Variants in PTPRA observed in about 807,000 individuals in gnomAD.
PTPRA encodes the protein protein tyrosine phosphatase receptor type A.
Under a neutral mutation model 104.8 loss-of-function variants are expected in PTPRA, and 25 were observed. That is an observed-to-expected ratio of 0.24 (90% CI 0.17 to 0.33). The LOEUF (loss-of-function observed/expected upper bound fraction) is 0.33, where lower values mean the gene tolerates loss of function less well. PTPRA is among the 10% of genes least tolerant of loss of function. PTPRA has a pLI of 1.00. For synonymous variants in PTPRA, 323 were observed against 368.9 expected, an observed-to-expected ratio of 0.88 and a Z score of 1.43; for missense variants, 765 against 1,015.3, an observed-to-expected ratio of 0.75 and a Z score of 3.35.
At chr20:2,893,604 A>G (rs2058882176) in intron 1 of PTPRA, among the ~76,000 whole-genome samples, 1 of 152,118 alleles carries the variant, frequency 6.6e-6, no homozygotes, top group East Asian at 1.9e-4. Flanking sequence ...TTCATCCCCA[A>G]AATGGTATAT....
intron 2 of PTPRA, among the ~76,000 whole-genome samples, chr20:2,944,530 C>G (rs914077113): frequency 6.6e-6 from 1 of 152,178 alleles, no homozygotes; most frequent in African/African-American, 2.4e-5. Context: ...AGCCAAATGA[C>G]AGCTGTAAGT....
chr20:2,966,803 GTT>G (rs2061963845), intron 5 of PTPRA, among the ~76,000 whole-genome samples: 1 of 152,106 alleles, frequency 6.6e-6, no homozygotes, highest in Non-Finnish European at 1.5e-5. Flanking sequence ...ACCACTAGTT[GTT>G]TGTTTTGTTT....
At chr20:2,932,721 C>T (rs1042085297) in intron 2 of PTPRA, among the ~76,000 whole-genome samples, 3 of 152,144 alleles carry the variant, frequency 2.0e-5, no homozygotes, top group Non-Finnish European at 4.4e-5. Flanking sequence ...GTTTTCTGCA[C>T]AGCACTGAGG....
In PTPRA at chr20:3,027,805, T is replaced by C. The variant is rs1431209404; in HGVS notation, c.1884T>C (p.Ser628=). 1 of 1,614,198 alleles carries C rather than the reference T, an allele frequency of 6.2e-7. No homozygotes were observed. ...WRMIWEWKSC[S]IVMLTELEER... ...TGATCTGGGAGTGGAAATCCTGCTC[T>C]ATCGTGATGCTAACAGAACTGGAGG... Residue 628 remains serine, a synonymous_variant, in exon 20 of 24, where the codon TCT becomes TCC. Transcript: ENST00000399903.
chr20:3,006,348 G>A lies in PTPRA; in HGVS notation c.830-996G>A, dbSNP rs2063869479. On this transcript the variant is annotated intron_variant, in intron 10 of 23. Transcript: ENST00000399903. The stretch of plus-strand genomic sequence containing the variant: ...ACTACAGGTGCATCTACCATGCCTG[G>A]CTGATTATTTTTTAGACACAGGGTC... 4.0e-5 allele frequency among the ~76,000 whole-genome samples: 6 copies of A among 151,498 alleles called. No homozygotes were observed. In the South Asian group the frequency reaches 1.3e-3, roughly 32 times the overall value.
chr20:3,038,053 C>G lies in PTPRA; in HGVS notation c.2335-6C>G, dbSNP rs958614449. ...CCTGACTTTTTCCCTACCTTTCACT[C>G]TCCAGGAACAGTATGAGTTCTGCTA... On this transcript the variant is annotated splice_region_variant and splice_polypyrimidine_tract_variant and intron_variant, in intron 23 of 23. Transcript: ENST00000399903. 6.2e-7 allele frequency: 1 copy of G among 1,608,006 alleles called. No homozygotes were observed. The highest frequency in any genetic ancestry group is 8.5e-7 in the Non-Finnish European group (1 of 1,174,634).
At chr20:2,988,003 A>G (rs2062980350) in intron 7 of PTPRA, 29 bp from the exon 8 acceptor site, 12 of 1,523,962 alleles carry the variant, frequency 7.9e-6, no homozygotes, top group Non-Finnish European at 1.1e-5. Flanking sequence ...TCTGTGCTCC[A>G]TTCTTCACTG....
At chr20:2,995,626 C>T (rs2148213177) in intron 9 of PTPRA, among the ~76,000 whole-genome samples, 1 of 152,152 alleles carries the variant, frequency 6.6e-6, no homozygotes, top group South Asian at 2.1e-4. Flanking sequence ...TCACTTAAAG[C>T]CTTATCTTTC....
intron 9 of PTPRA, among the ~76,000 whole-genome samples, chr20:2,993,517 C>T (rs1165203139): frequency 6.6e-6 from 1 of 152,176 alleles, no homozygotes; most frequent in African/African-American, 2.4e-5. Context: ...CTGCTCTTGC[C>T]ATGAGCAAGA....
chr20:2,902,421 A>T (rs1318633812), intron 1 of PTPRA, among the ~76,000 whole-genome samples: 7 of 152,014 alleles, frequency 4.6e-5, no homozygotes, highest in Admixed American at 4.6e-4. Flanking sequence ...GTTTCCAGGG[A>T]TATGTCTTCT....
rs770779567 is a variant in PTPRA, at chr20:3,007,322, ATAT to A, written c.830-20_830-18del. 3.1e-5 allele frequency: 50 copies of A among 1,606,920 alleles called. No individual in the cohort carries two copies. The highest frequency in any genetic ancestry group is 4.1e-5 in the Non-Finnish European group (48 of 1,173,854). On this transcript the variant is annotated intron_variant, in intron 10 of 23. Transcript: ENST00000399903. ...AGAAATAAATTTTGATTTTACTGAA[ATAT>A]TGTTGGTTTGTTTCCTAGATGACCA...
chr20:2,948,651 TCTTAATACTTTAAAAAAC>T (rs1157329721), intron 3 of PTPRA, among the ~76,000 whole-genome samples: 1 of 152,112 alleles, frequency 6.6e-6, no homozygotes, highest in Non-Finnish European at 1.5e-5. Flanking sequence ...CCAGTATTAT[TCTTAATACTTTAAAAAAC>T]CACCAGGCAC....
intron 1 of PTPRA, among the ~76,000 whole-genome samples, chr20:2,888,505 A>C (rs992864470): frequency 1.3e-5 from 2 of 151,896 alleles, no homozygotes; most frequent in Non-Finnish European, 2.9e-5. Flanking sequence ...GCTGCAGTGA[A>C]CATACCACAG....
At chr20:2,864,781 C>A in the PTPRA span, 2 of 1,195,184 alleles carry the variant, frequency 1.7e-6, no homozygotes, top group Non-Finnish European at 1.2e-6. The surrounding 1 kb of genome is among the most constrained non-coding windows in gnomAD (Gnocchi z 5.2). Context: ...GTGAGGGAGA[C>A]TCTGACGTGA....
intron 1 of PTPRA, among the ~76,000 whole-genome samples, chr20:2,876,870 A>G (rs1029686404): frequency 9.9e-5 from 15 of 152,282 alleles, no homozygotes; most frequent in African/African-American, 3.4e-4. Context: ...TTCAGCTATT[A>G]TATGCCTACT....
chr20:3,025,427 T>C (rs2065084546), intron 17 of PTPRA, among the ~76,000 whole-genome samples: 1 of 132,724 alleles, frequency 7.5e-6, no homozygotes, highest in Admixed American at 8.6e-5. Flanking sequence ...CACTCCAGCC[T>C]GGGCGACAGA....
chr20:2,896,711 A>C (rs551836535), intron 1 of PTPRA, among the ~76,000 whole-genome samples: 1 of 152,294 alleles, frequency 6.6e-6, no homozygotes, highest in South Asian at 2.1e-4. Flanking sequence ...ACCCTACTCA[A>C]ATTTCACTGA....
chr20:2,929,031 G>C (rs2060412379), intron 2 of PTPRA, among the ~76,000 whole-genome samples: 1 of 151,900 alleles, frequency 6.6e-6, no homozygotes, highest in Non-Finnish European at 1.5e-5. Flanking sequence ...GGGTCTCACT[G>C]TGTTGCCCTG....
chr20:2,907,458 A>C (rs543392089), intron 1 of PTPRA, among the ~76,000 whole-genome samples: 19 of 152,368 alleles, frequency 1.2e-4, no homozygotes, highest in African/African-American at 4.6e-4. Flanking sequence ...TGGTTGGTTT[A>C]ATAATTCATG....
Sources: allele counts gnomAD v4.1 joint callset (sites outside exome capture counted in the v4.1 genomes callset), GRCh38; gene constraint gnomAD v4.1.1; non-coding constraint Gnocchi (gnomAD v3.1); transcripts MANE v1.5; gene names NCBI Gene and HGNC (gene_info 2026-07-23, HGNC 2026-07-21).